The following CEP95 variants were observed in gnomAD, a reference collection of about 807,000 sequenced individuals.
CEP95 encodes centrosomal protein of 95 kDa.
CEP95 carries 98 observed loss-of-function variants against 111.2 expected under a neutral mutation model. The ratio of observed to expected loss-of-function variants is 0.88; its 90% CI spans 0.75 to 1.04. The LOEUF (loss-of-function observed/expected upper bound fraction) is 1.04. Ranked by LOEUF, CEP95 falls within the 50% of genes least tolerant of loss-of-function variation. CEP95 has a pLI of 0.00. For missense variants in CEP95, 1,027 were observed against 977.2 expected, an observed-to-expected ratio of 1.05 and a Z score of -0.68; for synonymous variants, 323 against 327.1, an observed-to-expected ratio of 0.99 and a Z score of 0.14.
At chr17:64,530,172 G>A (rs1968162626) in intron 12 of CEP95, among the ~76,000 whole-genome samples, 1 of 152,166 alleles carries the variant, frequency 6.6e-6, no homozygotes, top group African/African-American at 2.4e-5. Flanking sequence ...GATCACCTGA[G>A]GTCGGGAGTT....
chr17:64,529,186 T>C (rs1555679712), intron 11 of CEP95, 102 bp from the exon 12 acceptor site: 3 of 1,017,098 alleles, frequency 2.9e-6, no homozygotes, highest in Non-Finnish European at 4.3e-6. Context: ...TTTAGCACAT[T>C]CACTCATCAG....
intron 10 of CEP95, 138 bp downstream of exon 10, chr17:64,526,338 A>G: frequency 4.8e-6 from 4 of 838,760 alleles, no homozygotes; most frequent in Non-Finnish European, 5.3e-6. Flanking sequence ...CCGTAAGTCA[A>G]GCAGGTAGAA....
Position 64,507,076 on chromosome 17 carries a change from G to A in CEP95, c.-22G>A, listed in dbSNP as rs782463477. 36 of 1,550,662 alleles carry A rather than the reference G, an allele frequency of 2.3e-5. No homozygotes were observed. The highest frequency in any genetic ancestry group is 2.8e-5 in the Non-Finnish European group (32 of 1,146,952). ...CGCCTTCCCGGCCGCGTCGGAGTCC[G>A]GCGGCGACCTGCCTCTGAAACATGG... On this transcript the variant is annotated 5_prime_UTR_variant, in exon 1 of 20. Coordinates refer to ENST00000556440, the MANE Select transcript of CEP95 (RefSeq NM_138363.3).
At chr17:64,529,175 C>CT in intron 11 of CEP95, 113 bp from the exon 12 acceptor site, 1 of 905,302 alleles carries the variant, frequency 1.1e-6, no homozygotes, top group Non-Finnish European at 1.7e-6. Context: ...GAGAGAGTCC[C>CT]TTTAGCACAT....
intron 8 of CEP95, 83 bp downstream of exon 8, chr17:64,522,978 C>T (rs2144449836): frequency 2.8e-6 from 3 of 1,075,544 alleles, no homozygotes; most frequent in African/African-American, 1.6e-5. Context: ...GATTAGAAGG[C>T]CGTGTGTGTG....
intron 7 of CEP95, among the ~76,000 whole-genome samples, chr17:64,521,844 A>G (rs1381704950): frequency 6.6e-6 from 1 of 151,970 alleles, no homozygotes; most frequent in Non-Finnish European, 1.5e-5. Flanking sequence ...AAAGTATAGT[A>G]ACTGGAAAAA....
intron 11 of CEP95, 101 bp from the exon 12 acceptor site, chr17:64,529,187 C>G: frequency 2.0e-6 from 2 of 1,025,326 alleles, no homozygotes; most frequent in Non-Finnish European, 2.8e-6. Context: ...TTAGCACATT[C>G]ACTCATCAGT....
chr17:64,534,783 GT>G (rs1555681232), intron 17 of CEP95, 46 bp downstream of exon 17: 4 of 1,585,272 alleles, frequency 2.5e-6, no homozygotes, highest in Non-Finnish European at 1.7e-6. Flanking sequence ...GGTGAACTTT[GT>G]TATCTTTCAG....
chr17:64,530,858 G>C, intron 12 of CEP95, 68 bp from the exon 13 acceptor site: 1 of 869,756 alleles, frequency 1.1e-6, no homozygotes, highest in Non-Finnish European at 1.7e-6. Context: ...GCTTTAACCA[G>C]CTAAGCCATG....
intron 1 of CEP95, chr17:64,507,547 T>C (rs2038624340): frequency 1.9e-6 from 2 of 1,066,000 alleles, no homozygotes; most frequent in African/African-American, 3.4e-5. Context: ...AATAGTAGAA[T>C]ATGCCCCTGT....
chr17:64,523,501 C>T (rs1408692145), intron 8 of CEP95, among the ~76,000 whole-genome samples: 1 of 151,370 alleles, frequency 6.6e-6, no homozygotes, highest in Non-Finnish European at 1.5e-5. Flanking sequence ...CTATTTGGTT[C>T]AATTGCAGTG....
chr17:64,508,530 ATGTC>A lies in CEP95; in HGVS notation c.20-58_20-55del, dbSNP rs2038707269. 9 of 1,277,382 alleles carry A rather than the reference ATGTC, an allele frequency of 7.0e-6. No individual in the cohort carries two copies. In the African/African-American group the frequency reaches 1.2e-4, roughly 17 times the overall value. 79.1% of individuals were successfully genotyped at this position (1,277,382 alleles called of 1,614,324 possible). ...GGGGGGAGGTTGTTGGATTTTTTAA[ATGTC>A]TGTGTGATTTTTTTCTGGTGGTTTT... On this transcript the variant is annotated intron_variant, in intron 1 of 19. Transcript: ENST00000556440.
chr17:64,527,653 A>G (rs782077381), intron 11 of CEP95, among the ~76,000 whole-genome samples: 39 of 152,028 alleles, frequency 2.6e-4, no homozygotes, highest in Admixed American at 5.9e-4. Context: ...CATACTGTAT[A>G]TATTATTCTG....
intron 8 of CEP95, among the ~76,000 whole-genome samples, chr17:64,525,160 C>T (rs1555678804): frequency 1.3e-5 from 2 of 151,582 alleles, no homozygotes; most frequent in African/African-American, 4.9e-5. Context: ...GGCCAACATG[C>T]GAAACACCGT....
intron 11 of CEP95, among the ~76,000 whole-genome samples, chr17:64,527,872 A>G (rs782694854): frequency 0.01 from 1,148 of 111,758 alleles, 10 homozygotes; most frequent in Non-Finnish European, 0.015. Context: ...GTGTGTGTGT[A>G]TATATATATA....
chr17:64,518,348 CAGAGTA>C (rs1967036974), intron 5 of CEP95, among the ~76,000 whole-genome samples: 1 of 152,074 alleles, frequency 6.6e-6, no homozygotes, highest in Non-Finnish European at 1.5e-5. Context: ...AGGCTAGATT[CAGAGTA>C]AGACAGTGTA....
intron 3 of CEP95, 95 bp from the exon 4 acceptor site, chr17:64,514,153 A>C: frequency 1.8e-6 from 1 of 557,108 alleles, no homozygotes; most frequent in Non-Finnish European, 3.3e-6. Context: ...GTATTCTTAA[A>C]TAGCATTTTC....
At position 64,531,019 on chromosome 17, in the gene CEP95, G is replaced by A; in HGVS notation, c.1539+1G>A. The stretch of plus-strand genomic sequence containing the variant: ...AATACATGAGAAGGAGGAGGAAACA[G>A]TGGGTAAAAGTCTCCACTGTAATAA... On this transcript the variant is annotated splice_donor_variant, in intron 13 of 19. Coordinates refer to ENST00000556440, the MANE Select transcript of CEP95 (RefSeq NM_138363.3). LOFTEE classifies it high-confidence loss of function. 6.6e-7 allele frequency: 1 copy of A among 1,503,982 alleles called. No homozygotes were observed. The highest frequency in any genetic ancestry group is 1.4e-5 in the African/African-American group (1 of 72,304). 93.2% of individuals were successfully genotyped at this position (1,503,982 alleles called of 1,614,324 possible). A position where few individuals can be genotyped will look rare whatever the true frequency, so the allele number is the denominator to read the frequency against.
chr17:64,525,124 C>G (rs1371465329), intron 8 of CEP95, among the ~76,000 whole-genome samples: 1 of 150,814 alleles, frequency 6.6e-6, no homozygotes, highest in Non-Finnish European at 1.5e-5. Flanking sequence ...GTGGATCACT[C>G]GAGGTCAGGA....
Sources: allele counts gnomAD v4.1 joint callset (sites outside exome capture counted in the v4.1 genomes callset), GRCh38; gene constraint gnomAD v4.1.1; transcripts MANE v1.5; gene names NCBI Gene and HGNC (gene_info 2026-07-23, HGNC 2026-07-21).